The following DOP1A variants were observed in gnomAD, a reference collection of about 807,000 sequenced individuals.
The protein encoded by DOP1A is DOP1 leucine zipper like protein A, also known as protein DOP1A.
In DOP1A, 90 loss-of-function variants were observed where a neutral mutation model predicts 267.6. The observed-to-expected ratio is 0.34, with a 90% confidence interval of 0.28 to 0.40. DOP1A has a LOEUF of 0.40. DOP1A is among the 10% of genes least tolerant of loss of function. DOP1A has a pLI of 1.00. For synonymous variants in DOP1A, 932 were observed against 999.1 expected, an observed-to-expected ratio of 0.93 and a Z score of 1.27; for missense variants, 2,437 against 2,900.4, an observed-to-expected ratio of 0.84 and a Z score of 3.67.
At chr6:83,142,140 G>GTACATGCTA in intron 24 of DOP1A, 94 bp downstream of exon 24, 1 of 1,437,906 alleles carries the variant, frequency 7.0e-7, no homozygotes, top group Non-Finnish European at 9.4e-7. Flanking sequence ...GGCCGGGGTA[G>GTACATGCTA]ATTCGAGTGT....
intron 38 of DOP1A, chr6:83,166,793 A>C: frequency 9.6e-7 from 1 of 1,040,218 alleles, no homozygotes; most frequent in Non-Finnish European, 1.2e-6. Flanking sequence ...GAAACTAGTG[A>C]TATTAAATTA....
Position 83,140,032 on chromosome 6 carries a change from A to C in DOP1A, c.5153A>C (p.Asp1718Ala), listed in dbSNP as rs1434911696. ...TGGATGGCATCAATTATTCCACCAG[A>C]TATGATTCTTACTCTTTTGGAAGGG... Reference protein sequence around the residue: ...PLWMASIIPPDMILTLLEGIT... With the variant: ...PLWMASIIPPAMILTLLEGIT... Residue 1718 changes from aspartate to alanine, a missense_variant, in exon 22 of 39, where the codon GAT becomes GCT. Coordinates refer to ENST00000349129, the MANE Select transcript of DOP1A (RefSeq NM_015018.4). The C allele has an allele frequency of 6.8e-6, 11 of 1,613,636 alleles. No individual in the cohort carries two copies. The highest frequency in any genetic ancestry group is 9.3e-6 in the Non-Finnish European group (11 of 1,179,742).
At position 83,135,604 on chromosome 6, in the gene DOP1A, T is replaced by A; in HGVS notation, c.2871-15T>A. On this transcript the variant is annotated splice_polypyrimidine_tract_variant and intron_variant, in intron 19 of 38. Coordinates refer to ENST00000349129, the MANE Select transcript of DOP1A (RefSeq NM_015018.4). Reference sequence around the variant, plus strand: ...ATGTTTGGTTCTTTATTTTAATTATTTGTGTTTATTTTAGGTCACTGTTCA... The same window carrying A: ...ATGTTTGGTTCTTTATTTTAATTATATGTGTTTATTTTAGGTCACTGTTCA... The A allele has an allele frequency of 6.3e-7, 1 of 1,599,264 alleles. No homozygotes were observed. Among genetic ancestry groups the A allele is most frequent in the Non-Finnish European group, 8.5e-7 (1 of 1,170,984 alleles).
chr6:83,132,469 T>A, intron 18 of DOP1A, 141 bp downstream of exon 18: 1 of 897,922 alleles, frequency 1.1e-6, no homozygotes, highest in Non-Finnish European at 1.6e-6. Flanking sequence ...ACAGTGATCT[T>A]AATATCTTTA....
intron 37 of DOP1A, among the ~76,000 whole-genome samples, chr6:83,160,199 C>G (rs1783908479): frequency 6.6e-6 from 1 of 152,196 alleles, no homozygotes; most frequent in South Asian, 2.1e-4. Context: ...GGGTACATAA[C>G]TCACATGCTT....
intron 38 of DOP1A, chr6:83,164,511 T>A (rs1583210263): frequency 1.4e-6 from 1 of 729,762 alleles, no homozygotes. Context: ...AATATGACAG[T>A]CTTTTGCCCA....
intron 31 of DOP1A, 98 bp downstream of exon 31, chr6:83,153,718 G>A: frequency 1.0e-5 from 12 of 1,198,452 alleles, no homozygotes; most frequent in Non-Finnish European, 1.3e-5. Flanking sequence ...TCATAAAATG[G>A]CATTTTTACC....
At chr6:83,137,075 C>A in intron 20 of DOP1A, 98 bp from the exon 21 acceptor site, 1 of 1,140,840 alleles carries the variant, frequency 8.8e-7, no homozygotes. Context: ...GATGATGACA[C>A]TAATGATTAA....
At chr6:83,169,778 C>T (rs906217910), downstream of DOP1A, 3 of 457,606 alleles carry the variant, frequency 6.6e-6, no homozygotes, top group African/African-American at 6.0e-5. Context: ...CCTGGCTTTG[C>T]ACACACTTTA....
intron 15 of DOP1A, among the ~76,000 whole-genome samples, chr6:83,126,574 G>A (rs1777194166): frequency 6.6e-6 from 1 of 152,124 alleles, no homozygotes; most frequent in Admixed American, 6.6e-5. Flanking sequence ...TGTGATAAGT[G>A]TACAAAGGAA....
At chr6:83,087,211 G>C (rs1769436964) in intron 1 of DOP1A, among the ~76,000 whole-genome samples, 1 of 152,140 alleles carries the variant, frequency 6.6e-6, no homozygotes, top group South Asian at 2.1e-4. Context: ...TTTGAAACTA[G>C]ATCTTTAGCA....
chr6:83,159,510 C>A (rs763799181), intron 36 of DOP1A, among the ~76,000 whole-genome samples: 13 of 151,828 alleles, frequency 8.6e-5, no homozygotes, highest in Non-Finnish European at 1.8e-4. Context: ...AGGCTGGTCT[C>A]AAATTCCTGG....
intron 3 of DOP1A, among the ~76,000 whole-genome samples, chr6:83,098,242 G>C (rs1294267340): frequency 3.9e-5 from 6 of 152,174 alleles, no homozygotes; most frequent in Admixed American, 3.3e-4. Flanking sequence ...TACATACTAA[G>C]ATGTGTGGGG....
At chr6:83,145,502 C>A in intron 24 of DOP1A, 22 bp from the exon 25 acceptor site, 1 of 1,559,216 alleles carries the variant, frequency 6.4e-7, no homozygotes, top group Non-Finnish European at 8.7e-7. Flanking sequence ...TACATACATA[C>A]ATACAATGAT....
In DOP1A at chr6:83,110,153, G is replaced by A; in HGVS notation, c.520G>A (p.Ala174Thr). The change falls in exon 6 of 39, where the codon GCT (alanine) becomes ACT (threonine). Residue 174 changes from alanine (A) to threonine (T), a missense_variant. By Grantham distance (58) the Ala-to-Thr change is moderately conservative. Transcript: ENST00000349129. ...AAATATGTTGTTGGAAAAGGTTGCT[G>A]CTGCTGTGGACCAGTCAGCATTCTA... ...RTNMLLEKVAAAVDQSAFYSA... is the reference protein window; with the variant it reads ...RTNMLLEKVATAVDQSAFYSA... 1 of 1,605,650 alleles carries A rather than the reference G, an allele frequency of 6.2e-7. No homozygotes were observed.
At chr6:83,165,362 TG>T (rs1785219714) in intron 38 of DOP1A, 1 of 152,454 alleles carries the variant, frequency 6.6e-6, no homozygotes, top group African/African-American at 2.4e-5. Context: ...TGACCAGAGA[TG>T]ATGAAGTAGG....
At chr6:83,127,845 T>C (rs893870794) in intron 15 of DOP1A, among the ~76,000 whole-genome samples, 1 of 152,324 alleles carries the variant, frequency 6.6e-6, no homozygotes, top group East Asian at 1.9e-4. Context: ...CGTTATGTAA[T>C]CCTCATAGCA....
chr6:83,155,942 CT>C lies in DOP1A; in HGVS notation c.6452-4del. 6.2e-7 allele frequency: 1 copy of C among 1,602,832 alleles called. No homozygotes were observed. Among genetic ancestry groups the C allele is most frequent in the Non-Finnish European group, 8.5e-7 (1 of 1,177,024 alleles). ...ACAGTGTCACAGTCTCTTTCACTTG[CT>C]TTTTCAGCTCGTGTAGCAGTGGCTC... On this transcript the variant is annotated splice_region_variant and splice_polypyrimidine_tract_variant and intron_variant, in intron 33 of 38. Coordinates refer to ENST00000349129, the MANE Select transcript of DOP1A (RefSeq NM_015018.4).
rs1562351134 is a variant in DOP1A at position 83,139,156 on chromosome 6, A to G, written c.5114A>G (p.Asp1705Gly). 2 of 1,608,310 alleles carry G rather than the reference A, an allele frequency of 1.2e-6. No individual in the cohort carries two copies. The highest frequency in any genetic ancestry group is 2.2e-5 in the South Asian group (2 of 90,500). The change falls in exon 21 of 39, where the codon GAT (aspartate) becomes GGT (glycine). Residue 1705 changes from aspartate (D) to glycine (G), a missense_variant. Coordinates refer to ENST00000349129, the MANE Select transcript of DOP1A (RefSeq NM_015018.4). The stretch of plus-strand genomic sequence containing the variant: ...TACAAATACGAAACAGGATTATCTG[A>G]TAGTAGGTAAGAGGTGATTTTTAAC... The part of the protein sequence containing the change: ...QQYKYETGLS[D>G]SRPLWMASII...
Sources: gnomAD v4.1 joint callset for allele counts (sites outside exome capture counted in the v4.1 genomes callset) on GRCh38, gnomAD v4.1.1 for gene constraint, MANE v1.5 for transcripts, NCBI Gene and HGNC (gene_info 2026-07-23, HGNC 2026-07-21) for gene names.